Variants in PXYLP1 observed in about 807,000 individuals in gnomAD.
PXYLP1 encodes 2-phosphoxylose phosphatase 1.
A neutral mutation model predicts 37.9 loss-of-function variants in PXYLP1; 17 were observed. The observed-to-expected ratio is 0.45, with a 90% CI of 0.31 to 0.67. The LOEUF (loss-of-function observed/expected upper bound fraction) is 0.67. Among genes scored for constraint, PXYLP1 ranks in the 30% least tolerant of loss-of-function variants. The pLI, the probability that PXYLP1 is intolerant of heterozygous loss-of-function variation, is 0.07. For missense variants in PXYLP1, 511 were observed against 612.0 expected (o/e 0.84, Z 1.74); for synonymous variants, 221 against 232.2 (o/e 0.95, Z 0.44).
intron 2 of PXYLP1, among the ~76,000 whole-genome samples, chr3:141,267,766 A>G (rs1347525301): frequency 6.6e-6 from 1 of 152,136 alleles, no homozygotes; most frequent in Non-Finnish European, 1.5e-5. Context: ...GAGAATGGAC[A>G]CATTTATGTC....
At chr3:141,253,497 C>T (rs942556741) in intron 1 of PXYLP1, among the ~76,000 whole-genome samples, 2 of 152,124 alleles carry the variant, frequency 1.3e-5, no homozygotes, top group Non-Finnish European at 2.9e-5. Flanking sequence ...ACAGATGCAC[C>T]AACACCAATC....
chr3:141,241,149 G>A lies in PXYLP1; in HGVS notation c.-54+9238G>A, dbSNP rs192308742. Among the ~76,000 whole-genome samples the A allele has an allele frequency of 3.9e-5, 6 of 152,300 alleles. No homozygotes were observed. The East Asian group carries it at 1.2e-3, about 29-fold the overall frequency. On this transcript the variant is annotated intron_variant, in intron 1 of 5. Coordinates refer to ENST00000286353, the MANE Select transcript of PXYLP1 (RefSeq NM_001037172.3). ...TGATTCCCCTCTAATTCATTAAAAA[G>A]TGTTTTCCCACTACTTCCTGCTAGT... is the stretch of plus-strand genomic sequence containing the variant.
chr3:141,282,888 G>A (rs1287944627), intron 4 of PXYLP1, among the ~76,000 whole-genome samples: 2 of 152,206 alleles, frequency 1.3e-5, no homozygotes, highest in Non-Finnish European at 2.9e-5. Context: ...GAGGTATGGG[G>A]GGAAGTTAGT....
chr3:141,247,286 C>T (rs1166227349), intron 1 of PXYLP1, among the ~76,000 whole-genome samples: 1 of 152,260 alleles, frequency 6.6e-6, no homozygotes, highest in African/African-American at 2.4e-5. Flanking sequence ...ATTTGGTTGA[C>T]ATCCATGGAG....
At position 141,292,230 on chromosome 3, in the gene PXYLP1, G is replaced by C; in HGVS notation, c.506-38G>C. On this transcript the variant is annotated intron_variant, in intron 5 of 5. Coordinates refer to ENST00000286353, the MANE Select transcript of PXYLP1 (RefSeq NM_001037172.3). This position sits in a 1 kb window ranked among gnomAD's most constrained non-coding sequence, Gnocchi z 4.3. ...CTCCCCTTGCTGTTTCTTTTGCTCAGCTGGAAGTAAGGTAAGCTTTGTGTG... is the reference window on the plus strand; with the variant it reads ...CTCCCCTTGCTGTTTCTTTTGCTCACCTGGAAGTAAGGTAAGCTTTGTGTG... 1.3e-6 allele frequency: 2 copies of C among 1,540,436 alleles called. No individual in the cohort carries two copies. The highest frequency in any genetic ancestry group is 1.7e-6 in the Non-Finnish European group (2 of 1,144,784).
At chr3:141,244,467 C>T (rs990356112) in intron 1 of PXYLP1, among the ~76,000 whole-genome samples, 9 of 151,976 alleles carry the variant, frequency 5.9e-5, no homozygotes, top group African/African-American at 1.9e-4. Flanking sequence ...AGAGATCACA[C>T]TGTTAATTTC....
At position 141,260,392 on chromosome 3, in the gene PXYLP1, C is replaced by T. The variant is rs529465462; in HGVS notation, c.79+138C>T. 2.2e-5 allele frequency: 22 copies of T among 993,786 alleles called. No homozygotes were observed. In the African/African-American group the frequency reaches 3.6e-4, roughly 16 times the overall value. 61.6% of individuals were successfully genotyped at this position (993,786 alleles called of 1,614,324 possible). ...TTTTTATTGTTGGCACTCACAGTGG[C>T]CGGTTGCAAGGAGGGATCCTAAACC... is the stretch of plus-strand genomic sequence containing the variant. On this transcript the variant is annotated intron_variant, in intron 2 of 5. Coordinates refer to ENST00000286353, the MANE Select transcript of PXYLP1 (RefSeq NM_001037172.3).
rs1942277307 is a variant in PXYLP1 at position 141,293,319 on chromosome 3, A to G, written c.*114A>G. On this transcript the variant is annotated 3_prime_UTR_variant, in exon 6 of 6. Transcript: ENST00000286353. ...AAGATTATTGCTTTTTAAAGGCTAA[A>G]TATTGTTTGTGGGAACCACAGATGG... 2 of 1,126,668 alleles carry G rather than the reference A, an allele frequency of 1.8e-6. No homozygotes were observed. The highest frequency in any genetic ancestry group is 5.1e-5 in the East Asian group (2 of 38,940). 69.8% of individuals were successfully genotyped at this position (1,126,668 alleles called of 1,614,324 possible).
Position 141,245,045 on chromosome 3 carries a change from CTTTTTTTTTT to C in PXYLP1, c.-54+13147_-54+13156del, listed in dbSNP as rs10546747. ...AAAGGTAAGAAATGCCACTAACTCC[CTTTTTTTTTT>C]TTTTTTTTTTTTGAGACAGAGTTTT... is the stretch of plus-strand genomic sequence containing the variant. On this transcript the variant is annotated intron_variant, in intron 1 of 5. Coordinates refer to ENST00000286353, the MANE Select transcript of PXYLP1 (RefSeq NM_001037172.3). 9.7e-3 allele frequency among the ~76,000 whole-genome samples: 1,031 copies of C among 106,174 alleles called. 19 individuals are homozygous for C. The highest frequency in any genetic ancestry group is 0.033 in the African/African-American group (985 of 29,500). The allele number at this position is 106,174 out of a possible 152,430, so 69.7% of individuals were successfully genotyped here.
At position 141,257,925 on chromosome 3, in the gene PXYLP1, A is replaced by AAG. The variant is rs386398092; in HGVS notation, c.-53-2184_-53-2183dup. Among the ~76,000 whole-genome samples the AAG allele has an allele frequency of 7.9e-4, 107 of 136,016 alleles. 1 individual carries two copies. The highest frequency in any genetic ancestry group is 3.2e-3 in the African/African-American group (91 of 28,816). 89.2% of individuals were successfully genotyped at this position (136,016 alleles called of 152,430 possible). A position where few individuals can be genotyped will look rare whatever the true frequency, so the allele number is the denominator to read the frequency against. On this transcript the variant is annotated intron_variant, in intron 1 of 5. Coordinates refer to ENST00000286353, the MANE Select transcript of PXYLP1 (RefSeq NM_001037172.3). ...GTCTCAAAAAAAAAAAAAAAAAAAA[A>AAG]AGAGAGAGAGAGAGAAAGAAAGAAG...
rs548020366 is a variant in PXYLP1 at position 141,238,349 on chromosome 3, G to A, written c.-54+6438G>A. Among the ~76,000 whole-genome samples the A allele has an allele frequency of 3.9e-5, 6 of 152,300 alleles. No individual in the cohort carries two copies. In the South Asian group the frequency reaches 8.3e-4, roughly 21 times the overall value. On this transcript the variant is annotated intron_variant, in intron 1 of 5. Transcript: ENST00000286353. Reference sequence around the variant, plus strand: ...GAGGCTCCAGCATGGCAGCCTGCCCGACTAGCACCTGCCATCACGGAGCTG... The same window carrying A: ...GAGGCTCCAGCATGGCAGCCTGCCCAACTAGCACCTGCCATCACGGAGCTG...
Position 141,273,895 on chromosome 3 carries a change from G to A in PXYLP1, c.80-4447G>A, listed in dbSNP as rs549589466. 8.3e-5 allele frequency: 82 copies of A among 985,222 alleles called. 1 individual carries two copies. In the South Asian group the frequency reaches 3.3e-3, roughly 40 times the overall value. The allele number at this position is 985,222 out of a possible 1,614,324, so 61.0% of individuals were successfully genotyped here. On this transcript the variant is annotated intron_variant, in intron 2 of 5. Coordinates refer to ENST00000286353, the MANE Select transcript of PXYLP1 (RefSeq NM_001037172.3). ...CCTGTTATTCGTGTTGGTCCTGGTG[G>A]CACAGTGGCCCCAGGACACTCATTT...
chr3:141,290,315 G>A (rs1942171903), intron 5 of PXYLP1, among the ~76,000 whole-genome samples: 1 of 152,252 alleles, frequency 6.6e-6, no homozygotes, highest in Non-Finnish European at 1.5e-5. Flanking sequence ...GTAAACACAG[G>A]CCTTGGAGTC....
chr3:141,271,463 G>C (rs80067924), intron 2 of PXYLP1, among the ~76,000 whole-genome samples: 212 of 152,320 alleles, frequency 1.4e-3, no homozygotes, highest in Admixed American at 2.5e-3. Flanking sequence ...AAGGTAAACA[G>C]ATAGTGGAGC....
At chr3:141,274,049 T>C in intron 2 of PXYLP1, 19 of 987,116 alleles carry the variant, frequency 1.9e-5, no homozygotes, top group Non-Finnish European at 2.3e-5. Context: ...TGCTGTCATC[T>C]GCCTGAGGTC....
chr3:141,277,626 C>A (rs1489240302), intron 2 of PXYLP1, among the ~76,000 whole-genome samples: 1 of 152,232 alleles, frequency 6.6e-6, no homozygotes, highest in Non-Finnish European at 1.5e-5. Context: ...CACATGTCCA[C>A]CCCTGCCAGG....
rs997084013 is a variant in PXYLP1 at position 141,273,532 on chromosome 3, C to T, written c.80-4810C>T. ...GTGGGGAAGGGTGGTGGGGAGGGAG[C>T]CTGCGTGGGATAGCATCTGGTTGTT... On this transcript the variant is annotated intron_variant, in intron 2 of 5. Transcript: ENST00000286353. 1.4e-5 allele frequency: 14 copies of T among 985,276 alleles called. No individual in the cohort carries two copies. In the African/African-American group the frequency reaches 2.3e-4, roughly 16 times the overall value. The allele number at this position is 985,276 out of a possible 1,614,324, so 61.0% of individuals were successfully genotyped here.
Position 141,287,380 on chromosome 3 carries a change from C to T in PXYLP1, c.432C>T (p.Phe144=), listed in dbSNP as rs764048173. Residue 144 remains phenylalanine, a synonymous_variant, in exon 5 of 6, where the codon TTC becomes TTT. Transcript: ENST00000286353. ...TGTCAAAAGGATCCGGAGCCTCTTT[C>T]GAAAGCCCCTTGAACTCCTTGCCTC... ...SHMSKGSGAS[F]ESPLNSLPLY... is the part of the protein sequence containing the mutation. 1.4e-4 allele frequency: 224 copies of T among 1,614,010 alleles called. No individual in the cohort carries two copies. The highest frequency in any genetic ancestry group is 1.8e-4 in the Non-Finnish European group (209 of 1,180,020).
chr3:141,259,931 T>G (rs1000334426), intron 1 of PXYLP1, among the ~76,000 whole-genome samples, 192 bp from the exon 2 acceptor site: 1 of 152,246 alleles, frequency 6.6e-6, no homozygotes, highest in South Asian at 2.1e-4. Context: ...GGGAGCATTC[T>G]CGCTTGGGCT....
Sources: gnomAD v4.1 joint callset for allele counts (sites outside exome capture counted in the v4.1 genomes callset) on GRCh38, gnomAD v4.1.1 for gene constraint, Gnocchi (gnomAD v3.1) non-coding constraint, MANE v1.5 for transcripts, NCBI Gene and HGNC (gene_info 2026-07-23, HGNC 2026-07-21) for gene names.